The following IQSEC1 variants were observed in gnomAD, a reference collection of about 807,000 sequenced individuals.
The protein encoded by IQSEC1 is IQ motif and Sec7 domain ArfGEF 1.
Under a neutral mutation model 91.0 loss-of-function variants are expected in IQSEC1, and 31 were observed. The observed-to-expected ratio is 0.34, with a 90% CI of 0.26 to 0.46. The LOEUF (loss-of-function observed/expected upper bound fraction) is 0.46. IQSEC1 is among the 20% of genes least tolerant of loss of function. The probability of loss-of-function intolerance (pLI) is 1.00; values close to 1 mark genes in which losing one functional copy is unlikely to be tolerated. For synonymous variants in IQSEC1, 699 were observed against 662.6 expected, an observed-to-expected ratio of 1.05 and a Z score of -0.84; for missense variants, 1,388 against 1,575.6, an observed-to-expected ratio of 0.88 and a Z score of 2.02.
intron 2 of IQSEC1, among the ~76,000 whole-genome samples, chr3:13,161,977 T>C (rs1159402043): frequency 1.3e-5 from 2 of 152,238 alleles, no homozygotes; most frequent in African/African-American, 4.8e-5. Flanking sequence ...CCCACCGAAA[T>C]GTCGTTCCCA....
At chr3:13,115,232 C>T (rs1706315659) in intron 2 of IQSEC1, among the ~76,000 whole-genome samples, 1 of 152,158 alleles carries the variant, frequency 6.6e-6, no homozygotes, top group African/African-American at 2.4e-5. Flanking sequence ...CATCCCTTTC[C>T]CCCATCTGGA....
chr3:13,093,730 T>C (rs1576246682), intron 2 of IQSEC1, among the ~76,000 whole-genome samples: 1 of 152,154 alleles, frequency 6.6e-6, no homozygotes, highest in Non-Finnish European at 1.5e-5. Flanking sequence ...GACTGAGGCA[T>C]ACACAGTTGG....
At chr3:13,204,929 C>T (rs1352837098) in intron 1 of IQSEC1, among the ~76,000 whole-genome samples, 2 of 151,420 alleles carry the variant, frequency 1.3e-5, no homozygotes, top group African/African-American at 4.9e-5. Flanking sequence ...GCCTCCCGAG[C>T]GGCTGGGATT....
chr3:12,917,540 T>C (rs1696216334), intron 6 of IQSEC1, among the ~76,000 whole-genome samples: 1 of 152,234 alleles, frequency 6.6e-6, no homozygotes, highest in African/African-American at 2.4e-5. Context: ...TGCTACACAC[T>C]TAAGTTTCCT....
intron 2 of IQSEC1, among the ~76,000 whole-genome samples, chr3:13,082,462 G>C (rs914084833): frequency 1.3e-5 from 2 of 152,228 alleles, no homozygotes; most frequent in Non-Finnish European, 2.9e-5. Flanking sequence ...CAGCCTCTCA[G>C]CTGGCCTGGT....
At chr3:13,092,389 C>T (rs1476397770) in intron 2 of IQSEC1, among the ~76,000 whole-genome samples, 1 of 152,138 alleles carries the variant, frequency 6.6e-6, no homozygotes, top group Non-Finnish European at 1.5e-5. Context: ...GCAAAACACG[C>T]CCCGGCTGAC....
chr3:13,169,817 C>A (rs1693575195), intron 1 of IQSEC1, among the ~76,000 whole-genome samples: 1 of 152,150 alleles, frequency 6.6e-6, no homozygotes, highest in Non-Finnish European at 1.5e-5. Context: ...GCAAAGCATT[C>A]AAGAGGTGAC....
chr3:13,132,326 C>G (rs1358301771), intron 2 of IQSEC1, among the ~76,000 whole-genome samples: 1 of 152,212 alleles, frequency 6.6e-6, no homozygotes, highest in Non-Finnish European at 1.5e-5. Flanking sequence ...ACAATAAGCA[C>G]TTTTCCCTCT....
intron 1 of IQSEC1, among the ~76,000 whole-genome samples, chr3:12,966,738 G>T (rs1049038605): frequency 6.6e-6 from 1 of 152,110 alleles, no homozygotes; most frequent in African/African-American, 2.4e-5. Flanking sequence ...ACACCCCAGT[G>T]CACCCCCAAG....
chr3:13,144,834 G>A (rs952820240), intron 2 of IQSEC1, among the ~76,000 whole-genome samples: 8 of 152,216 alleles, frequency 5.3e-5, no homozygotes, highest in African/African-American at 1.7e-4. Flanking sequence ...AGAAGAGGCT[G>A]GGGAGGCCTC....
rs1296779130 is a variant in IQSEC1 at position 13,267,950 on chromosome 3, G to GC, written c.272+14760dup. Among the ~76,000 whole-genome samples the GC allele has an allele frequency of 4.6e-5, 7 of 152,230 alleles. No individual in the cohort carries two copies. In the East Asian group the frequency reaches 9.7e-4, roughly 21 times the overall value. ...CAAATTTCTTAAACAAGAAGGCTGT[G>GC]CCCCCCCTTAACCAGCTCTCCTCCA... On this transcript the variant is annotated intron_variant, in intron 1 of 15. Coordinates refer to the IQSEC1 transcript ENST00000648114.
chr3:13,196,993 G>A (rs1035492748), intron 1 of IQSEC1, among the ~76,000 whole-genome samples: 5 of 152,054 alleles, frequency 3.3e-5, no homozygotes, highest in Admixed American at 1.3e-4. Flanking sequence ...GATGCGTAGG[G>A]AGAGTTGAGG....
In IQSEC1 at chr3:12,913,529, A is replaced by G. The variant is rs1359340589; in HGVS notation, c.2215T>C (p.Leu739=). The G allele has an allele frequency of 6.2e-7, 1 of 1,604,398 alleles. No homozygotes were observed. Among genetic ancestry groups the G allele is most frequent in the East Asian group, 2.3e-5 (1 of 44,374 alleles). ...TCAAAGAGCCGGCAGTAGCAGACCA[A>G]CCGACGGTGGGGCAGAGAGAGCACC... ...GCVLSLPHRR[L]VCYCRLFEVP... Residue 739 remains leucine (L), a synonymous_variant, in exon 9 of 14, where the codon TTG becomes CTG. Transcript: ENST00000613206.
chr3:13,014,938 G>A (rs1030789098), intron 1 of IQSEC1, among the ~76,000 whole-genome samples: 1 of 152,162 alleles, frequency 6.6e-6, no homozygotes, highest in Non-Finnish European at 1.5e-5. Flanking sequence ...TGGCCCCAGC[G>A]AGCCTGGGGC....
At chr3:12,911,315 T>C (rs1468250834) in intron 10 of IQSEC1, among the ~76,000 whole-genome samples, 1 of 152,266 alleles carries the variant, frequency 6.6e-6, no homozygotes, top group Non-Finnish European at 1.5e-5. Context: ...TATGACTTAA[T>C]GTTTTTCTAT....
At chr3:13,023,923 C>A (rs149945644) in intron 1 of IQSEC1, among the ~76,000 whole-genome samples, 39 of 152,316 alleles carry the variant, frequency 2.6e-4, no homozygotes, top group African/African-American at 8.7e-4. Flanking sequence ...CTTGAACACC[C>A]CCAATGATGT....
At chr3:13,129,444 G>A (rs898539976) in intron 2 of IQSEC1, among the ~76,000 whole-genome samples, 5 of 152,128 alleles carry the variant, frequency 3.3e-5, no homozygotes, top group African/African-American at 1.2e-4. Context: ...TGGTTTCATT[G>A]ATCGTCGGTA....
intron 1 of IQSEC1, among the ~76,000 whole-genome samples, chr3:13,052,652 A>G (rs1372277772): frequency 6.6e-6 from 1 of 151,542 alleles, no homozygotes; most frequent in Non-Finnish European, 1.5e-5. Flanking sequence ...GCCATCTCAC[A>G]CTCCCACCAG....
At chr3:12,982,556 T>C (rs1701517637) in intron 1 of IQSEC1, among the ~76,000 whole-genome samples, 1 of 152,186 alleles carries the variant, frequency 6.6e-6, no homozygotes, top group African/African-American at 2.4e-5. Flanking sequence ...AAGAAAAAAA[T>C]GTTCTTAGCC....
Sources: gnomAD v4.1 joint callset for allele counts (sites outside exome capture counted in the v4.1 genomes callset) on GRCh38, gnomAD v4.1.1 for gene constraint, MANE v1.5 for transcripts, NCBI Gene and HGNC (gene_info 2026-07-23, HGNC 2026-07-21) for gene names.